Variants in STAMBP observed in about 807,000 individuals in gnomAD.
STAMBP encodes the protein STAM-binding protein.
In STAMBP, 31 loss-of-function variants were observed where a neutral mutation model predicts 50.7. The observed-to-expected ratio is 0.61, with a 90% CI of 0.46 to 0.83. The LOEUF (loss-of-function observed/expected upper bound fraction) is 0.83. STAMBP is among the 40% of genes least tolerant of loss of function. STAMBP has a pLI of 0.00. For synonymous variants in STAMBP, 211 were observed against 192.4 expected (o/e 1.10, Z -0.80); for missense variants, 472 against 518.9 (o/e 0.91, Z 0.88).
At chr2:73,873,454 G>A (rs1320936731) in exon 11 of STAMBP, 2 of 152,190 alleles carry the variant, frequency 1.3e-5, no homozygotes, top group East Asian at 3.8e-4. Flanking sequence ...TTCTGTATAA[G>A]CAAATTTAGG....
chr2:73,832,425 A>G (rs574702618), intron 2 of STAMBP, among the ~76,000 whole-genome samples: 5 of 151,278 alleles, frequency 3.3e-5, no homozygotes, highest in Admixed American at 2.6e-4. Context: ...ACTGCACTCC[A>G]GGACTCCAGA....
chr2:73,871,942 AT>A (rs1400008214), downstream of STAMBP, among the ~76,000 whole-genome samples: 17 of 146,900 alleles, frequency 1.2e-4, no homozygotes, highest in East Asian at 4.0e-4. Context: ...TAATTTTTGT[AT>A]TTTTTTTTTA....
intron 7 of STAMBP, among the ~76,000 whole-genome samples, chr2:73,858,264 G>A (rs1025887618): frequency 7.2e-6 from 1 of 139,010 alleles, no homozygotes; most frequent in Admixed American, 7.7e-5. Context: ...TCAGCCTCCC[G>A]AATAGCTGAG....
At chr2:73,858,377 G>T (rs1033093315) in intron 7 of STAMBP, among the ~76,000 whole-genome samples, 3 of 151,970 alleles carry the variant, frequency 2.0e-5, no homozygotes, top group Non-Finnish European at 4.4e-5. Flanking sequence ...GACCTCAAAT[G>T]ATCTGCCCTC....
At chr2:73,869,723 A>G (rs1194349573), downstream of STAMBP, among the ~76,000 whole-genome samples, 1 of 152,146 alleles carries the variant, frequency 6.6e-6, no homozygotes, top group South Asian at 2.1e-4. Context: ...CTTAAAGTAT[A>G]ATAATAATAA....
rs200844078 is a variant in STAMBP at position 73,860,052 on chromosome 2, A to G, written c.1119A>G (p.Glu373=). The change falls in exon 9 of 10, where the codon GAA becomes GAG. Residue 373 remains glutamate, a splice_region_variant and synonymous_variant. Coordinates refer to ENST00000394070, the MANE Select transcript of STAMBP (RefSeq NM_213622.4). ...VAIVCSPKFQ[E]TGFFKLTDHG... ...TTAGCCTGCCTTTTTTAAATTTCAG[A>G]ACTGGATTCTTTAAACTAACTGACC... 42 of 1,608,434 alleles carry G rather than the reference A, an allele frequency of 2.6e-5. No homozygotes were observed. The highest frequency in any genetic ancestry group is 3.3e-4 in the Middle Eastern group (2 of 6,082).
At chr2:73,855,514 A>T in intron 7 of STAMBP, 1 of 438,736 alleles carries the variant, frequency 2.3e-6, no homozygotes, top group Non-Finnish European at 4.6e-6. Context: ...CTTTCTGGCT[A>T]CCCACGTTTG....
At chr2:73,849,570 A>G in intron 6 of STAMBP, 83 bp downstream of exon 6, 1 of 1,499,582 alleles carries the variant, frequency 6.7e-7, no homozygotes, top group Non-Finnish European at 8.9e-7. Flanking sequence ...CTCAGAGAAA[A>G]TATCCAGGGT....
At chr2:73,856,167 G>A (rs1401755370) in intron 7 of STAMBP, among the ~76,000 whole-genome samples, 1 of 152,152 alleles carries the variant, frequency 6.6e-6, no homozygotes, top group Non-Finnish European at 1.5e-5. Flanking sequence ...TTTTAGCATC[G>A]TGTTCTCCTT....
At chr2:73,854,147 A>T (rs962987816) in intron 7 of STAMBP, among the ~76,000 whole-genome samples, 4 of 152,212 alleles carry the variant, frequency 2.6e-5, no homozygotes, top group Admixed American at 6.5e-5. Flanking sequence ...TCACAGGGGG[A>T]AAAACATCCA....
rs774501256 is a variant in STAMBP, at chr2:73,862,204, G to A, written c.1220G>A (p.Ser407Asn). The change falls in exon 10 of 10, where the codon AGC (serine) becomes AAC (asparagine). Residue 407 changes from serine to asparagine, a missense_variant and splice_region_variant. By Grantham distance (46) the Ser-to-Asn change is conservative (BLOSUM62 1). Coordinates refer to ENST00000394070, the MANE Select transcript of STAMBP (RefSeq NM_213622.4). ...CACCTTTCTTTTTTCCTATTGCAGA[G>A]CTGCAGCCACGTGACTGTTGTGGAC... Reference protein sequence around the residue: ...PHSKDPPLFCSCSHVTVVDRA... With the variant: ...PHSKDPPLFCNCSHVTVVDRA... 2.5e-6 allele frequency: 4 copies of A among 1,603,572 alleles called. No homozygotes were observed. The highest frequency in any genetic ancestry group is 2.7e-5 in the African/African-American group (2 of 73,860).
Position 73,830,836 on chromosome 2 carries a change from CTG to C in STAMBP, c.-12-7_-12-6del, listed in dbSNP as rs754594431. Reference sequence around the variant, plus strand: ...ACGGTATTGATGCCATCTGTTTTTTCTGTCTCAGAACTTGGTCCTGATGTCTG... The same window carrying C: ...ACGGTATTGATGCCATCTGTTTTTTCTCTCAGAACTTGGTCCTGATGTCTG... On this transcript the variant is annotated splice_region_variant and splice_polypyrimidine_tract_variant and intron_variant, in intron 1 of 9. Coordinates refer to ENST00000394070, the MANE Select transcript of STAMBP (RefSeq NM_213622.4). 1 of 1,609,354 alleles carries C rather than the reference CTG, an allele frequency of 6.2e-7. No homozygotes were observed. The highest frequency in any genetic ancestry group is 1.7e-5 in the Admixed American group (1 of 59,716).
intron 9 of STAMBP, among the ~76,000 whole-genome samples, 200 bp downstream of exon 9, chr2:73,860,351 C>T (rs879269341): frequency 2.0e-5 from 3 of 152,148 alleles, no homozygotes; most frequent in Non-Finnish European, 2.9e-5. Context: ...CACTGTGTGC[C>T]TTTGATTGGG....
chr2:73,829,371 G>A lies in STAMBP; in HGVS notation c.-152G>A, dbSNP rs932503212. 6.6e-6 allele frequency: 1 copy of A among 152,298 alleles called. No homozygotes were observed. The highest frequency in any genetic ancestry group is 2.1e-4 in the South Asian group (1 of 4,828). The allele number at this position is 152,298 out of a possible 1,614,324, so 9.4% of individuals were successfully genotyped here. ...TTTCTCCTCCTCGTATTTCCCCCTC[G>A]GTCCTTTACGCCGCCTTTCCCCCTC... On this transcript the variant is annotated 5_prime_UTR_variant, in exon 1 of 10. Coordinates refer to ENST00000394070, the MANE Select transcript of STAMBP (RefSeq NM_213622.4).
At chr2:73,859,999 G>A in intron 8 of STAMBP, 53 bp from the exon 9 acceptor site, 2 of 1,339,020 alleles carry the variant, frequency 1.5e-6, no homozygotes, top group Non-Finnish European at 2.1e-6. Flanking sequence ...GCATATGTTT[G>A]GGATGGAGGG....
At chr2:73,843,987 G>A (rs1178515119) in intron 2 of STAMBP, among the ~76,000 whole-genome samples, 1 of 152,198 alleles carries the variant, frequency 6.6e-6, no homozygotes, top group Non-Finnish European at 1.5e-5. Flanking sequence ...ATGGTGTAGT[G>A]GTTAAAAGAA....
chr2:73,855,693 T>C (rs1367225812), intron 7 of STAMBP: 3 of 455,996 alleles, frequency 6.6e-6, no homozygotes, highest in Non-Finnish European at 1.3e-5. Context: ...CTGCCTGCAC[T>C]GAGCTAACAC....
At chr2:73,872,110 A>G (rs1015174279), downstream of STAMBP, among the ~76,000 whole-genome samples, 12 of 152,094 alleles carry the variant, frequency 7.9e-5, no homozygotes, top group African/African-American at 1.9e-4. Flanking sequence ...TTTCAACACA[A>G]TATTTGGAAT....
chr2:73,871,912 C>T (rs745707341), downstream of STAMBP, among the ~76,000 whole-genome samples: 9 of 151,900 alleles, frequency 5.9e-5, no homozygotes, highest in African/African-American at 1.7e-4. Context: ...GGATTACAGG[C>T]GCACACCACC....
Sources: allele counts gnomAD v4.1 joint callset (sites outside exome capture counted in the v4.1 genomes callset), GRCh38; gene constraint gnomAD v4.1.1; transcripts MANE v1.5; gene names NCBI Gene and HGNC (gene_info 2026-07-23, HGNC 2026-07-21).